Variants in ISOC1 observed in about 807,000 individuals in gnomAD.
The protein encoded by ISOC1 is isochorismatase domain containing 1, also known as isochorismatase domain-containing protein 1.
A neutral mutation model predicts 30.0 loss-of-function variants in ISOC1; 33 were observed. The observed-to-expected ratio is 1.10, with a 90% CI of 0.83 to 1.47. The LOEUF (loss-of-function observed/expected upper bound fraction) is 1.47, where lower values mean the gene tolerates loss of function less well. ISOC1 is among the 40% of genes most tolerant of loss of function. The probability of loss-of-function intolerance (pLI) is 0.00; values close to 1 mark genes in which losing one functional copy is unlikely to be tolerated. For synonymous variants in ISOC1, 178 were observed against 159.8 expected (o/e 1.11, Z -0.86); for missense variants, 372 against 388.0 (o/e 0.96, Z 0.35).
At position 129,113,199 on chromosome 5, in the gene ISOC1, C is replaced by T. The variant is rs550433783; in HGVS notation, c.*198C>T. Reference sequence around the variant, plus strand: ...TTTAGTTACAAACGTCAAAGGCTTCCGGTGCTGCTTACCTTCCTTTTTTGT... The same window carrying T: ...TTTAGTTACAAACGTCAAAGGCTTCTGGTGCTGCTTACCTTCCTTTTTTGT... On this transcript the variant is annotated 3_prime_UTR_variant, in exon 5 of 5. Coordinates refer to ENST00000173527, the MANE Select transcript of ISOC1 (RefSeq NM_016048.2). 1.1e-4 allele frequency: 48 copies of T among 448,060 alleles called. No individual in the cohort carries two copies. The East Asian group carries it at 1.6e-3, about 14-fold the overall frequency. The allele number at this position is 448,060 out of a possible 1,614,324, so 27.8% of individuals were successfully genotyped here. A position where few individuals can be genotyped will look rare whatever the true frequency, so the allele number is the denominator to read the frequency against.
intron 1 of ISOC1, among the ~76,000 whole-genome samples, chr5:129,103,155 T>G (rs192666391): frequency 2.6e-5 from 4 of 152,298 alleles, no homozygotes; most frequent in African/African-American, 7.2e-5. Context: ...AGTCCATGAT[T>G]CAAATTTATA....
In ISOC1 at chr5:129,101,142, G is replaced by A. The variant is rs143346069; in HGVS notation, c.310-3814G>A. Among the ~76,000 whole-genome samples the A allele has an allele frequency of 6.2e-4, 68 of 108,988 alleles. 1 individual carries two copies. Among genetic ancestry groups the A allele is most frequent in the African/African-American group, 2.4e-3 (66 of 27,096 alleles). 71.5% of individuals were successfully genotyped at this position (108,988 alleles called of 152,430 possible). On this transcript the variant is annotated intron_variant, in intron 1 of 4. Transcript: ENST00000173527. Reference sequence around the variant, plus strand: ...CCACCTCAGCCTCCTGAGGAGCTGGGCCACCAAGCTCAGCTAATCAAAAAA... The same window carrying A: ...CCACCTCAGCCTCCTGAGGAGCTGGACCACCAAGCTCAGCTAATCAAAAAA...
At chr5:129,109,690 A>AT (rs939851392) in intron 4 of ISOC1, among the ~76,000 whole-genome samples, 25 of 152,210 alleles carry the variant, frequency 1.6e-4, no homozygotes, top group African/African-American at 5.3e-4. Context: ...CATATTGCAG[A>AT]TTTTTTTCCT....
intron 4 of ISOC1, among the ~76,000 whole-genome samples, chr5:129,110,509 C>T (rs1248106469): frequency 6.6e-6 from 1 of 152,220 alleles, no homozygotes; most frequent in Non-Finnish European, 1.5e-5. Flanking sequence ...ACACCTTTCC[C>T]TAACACAGGT....
At chr5:129,106,364 T>C (rs1753638128) in intron 3 of ISOC1, among the ~76,000 whole-genome samples, 1 of 152,218 alleles carries the variant, frequency 6.6e-6, no homozygotes, top group Non-Finnish European at 1.5e-5. Context: ...CTCTATAGTA[T>C]CTGTTAATGA....
chr5:129,096,518 G>A (rs891244135), intron 1 of ISOC1, among the ~76,000 whole-genome samples: 3 of 152,204 alleles, frequency 2.0e-5, no homozygotes, highest in Admixed American at 6.5e-5. Context: ...CCTGGAACTG[G>A]ATACAGTGAT....
rs3822833 is a variant in ISOC1 at position 129,110,423 on chromosome 5, G to T, written c.751-2432G>T. 3.4e-4 allele frequency among the ~76,000 whole-genome samples: 52 copies of T among 152,312 alleles called. 1 individual carries two copies. In the East Asian group the frequency reaches 8.9e-3, roughly 26 times the overall value. On this transcript the variant is annotated intron_variant, in intron 4 of 4. Coordinates refer to ENST00000173527, the MANE Select transcript of ISOC1 (RefSeq NM_016048.2). Reference sequence around the variant, plus strand: ...TGCTGTTCTTTCTCTGCTCAGGCACGTTCTTTGGTTGGGAAAGGGCAGGCA... The same window carrying T: ...TGCTGTTCTTTCTCTGCTCAGGCACTTTCTTTGGTTGGGAAAGGGCAGGCA...
At chr5:129,106,858 TCTGTCTG>T in intron 3 of ISOC1, 81 bp from the exon 4 acceptor site, 1 of 879,708 alleles carries the variant, frequency 1.1e-6, no homozygotes, top group Non-Finnish European at 1.9e-6. Context: ...TCTGTAGTGC[TCTGTCTG>T]CTTTATCATG....
At chr5:129,097,565 C>T (rs1272333652) in intron 1 of ISOC1, 1 of 152,110 alleles carries the variant, frequency 6.6e-6, no homozygotes, top group Non-Finnish European at 1.5e-5. Flanking sequence ...GCTTTAAATG[C>T]CTGGCACAGT....
intron 1 of ISOC1, among the ~76,000 whole-genome samples, chr5:129,104,151 T>C (rs1753605312): frequency 6.6e-6 from 1 of 152,168 alleles, no homozygotes; most frequent in East Asian, 1.9e-4. Context: ...TATAGGTCTC[T>C]TCCTTGTGAA....
intron 1 of ISOC1, among the ~76,000 whole-genome samples, chr5:129,103,007 A>AT (rs200867551): frequency 5.0e-4 from 76 of 151,742 alleles, no homozygotes; most frequent in African/African-American, 1.3e-3. Flanking sequence ...TATTTTTCAA[A>AT]TTTTTTTTTG....
chr5:129,104,902 A>C, intron 1 of ISOC1, 54 bp from the exon 2 acceptor site: 1 of 1,581,188 alleles, frequency 6.3e-7, no homozygotes, highest in Non-Finnish European at 8.6e-7. Flanking sequence ...CTCCACTGAA[A>C]ATAAATGTCA....
Position 129,112,908 on chromosome 5 carries a change from GC to G in ISOC1, c.805del (p.Leu269TrpfsTer2), listed in dbSNP as rs778493295. 4 of 1,613,842 alleles carry G rather than the reference GC, an allele frequency of 2.5e-6. No individual in the cohort carries two copies. Among genetic ancestry groups the G allele is most frequent in the Non-Finnish European group, 3.4e-6 (4 of 1,179,810 alleles). ...CCACGAGTGAGGCTGTTCTGCTTCA[GC>G]TGGTAGCTGATAAGGACCATCCAAA... ...VTTSEAVLLQ[L>X]VADKDHPKFK... On this transcript the variant is annotated frameshift_variant, in exon 5 of 5. Transcript: ENST00000173527. LOFTEE classifies it high-confidence loss of function.
rs1271346933 is a variant in ISOC1, at chr5:129,105,384, T to TAGA, written c.632_633+1dup. 3 of 1,610,854 alleles carry TAGA rather than the reference T, an allele frequency of 1.9e-6. No individual in the cohort carries two copies. In the African/African-American group the frequency reaches 4.0e-5, roughly 22 times the overall value. On this transcript the variant is annotated inframe_insertion, in exon 3 of 5. Transcript: ENST00000173527. ...GTCAGGAGTGTTGTATTATTTGGAG[T>TAGA]AGAAGTAAGTACCTGTTACTATCAT...
intron 1 of ISOC1, among the ~76,000 whole-genome samples, chr5:129,100,912 A>T (rs1163230645): frequency 2.8e-5 from 4 of 141,894 alleles, no homozygotes; most frequent in African/African-American, 1.0e-4. Context: ...GGAGGCCATT[A>T]AAAAAAAAAA....
chr5:129,101,276 C>T (rs942648711), intron 1 of ISOC1, among the ~76,000 whole-genome samples: 1 of 147,696 alleles, frequency 6.8e-6, no homozygotes, highest in African/African-American at 2.5e-5. Context: ...CAGGCAGATC[C>T]CTTGAGCCCA....
At chr5:129,095,674 C>A (rs1240946057) in intron 1 of ISOC1, among the ~76,000 whole-genome samples, 4 of 152,206 alleles carry the variant, frequency 2.6e-5, no homozygotes, top group African/African-American at 9.6e-5. Context: ...GACTTGATTA[C>A]GTTTTGTCGT....
chr5:129,103,166 A>G (rs1203909109), intron 1 of ISOC1, among the ~76,000 whole-genome samples: 1 of 152,192 alleles, frequency 6.6e-6, no homozygotes, highest in Non-Finnish European at 1.5e-5. Flanking sequence ...CAAATTTATA[A>G]AAATGTAGAT....
chr5:129,103,810 A>G (rs146778862), intron 1 of ISOC1, among the ~76,000 whole-genome samples: 168 of 152,266 alleles, frequency 1.1e-3, no homozygotes, highest in African/African-American at 3.6e-3. Context: ...TTTTAGGGGA[A>G]ACAAAGTAGG....
Sources: gnomAD v4.1 joint callset for allele counts (sites outside exome capture counted in the v4.1 genomes callset) on GRCh38, gnomAD v4.1.1 for gene constraint, MANE v1.5 for transcripts, NCBI Gene and HGNC (gene_info 2026-07-23, HGNC 2026-07-21) for gene names.